CMIP: variants seen among roughly 807,000 people sequenced by gnomAD.
CMIP encodes c-Maf inducing protein, also known as C-Maf-inducing protein.
A neutral mutation model predicts 97.3 loss-of-function variants in CMIP; 13 were observed. The ratio of observed to expected loss-of-function variants is 0.13; its 90% CI spans 0.09 to 0.21. The LOEUF (loss-of-function observed/expected upper bound fraction) is 0.21, where lower values mean the gene tolerates loss of function less well. CMIP is among the 10% of genes least tolerant of loss of function. The probability of loss-of-function intolerance (pLI) is 1.00; values close to 1 mark genes in which losing one functional copy is unlikely to be tolerated. For missense variants in CMIP, 847 were observed against 1,024.9 expected, an observed-to-expected ratio of 0.83 and a Z score of 2.37; for synonymous variants, 538 against 436.3, an observed-to-expected ratio of 1.23 and a Z score of -2.91.
chr16:81,475,536 TAACTC>T (rs942308406), intron 1 of CMIP, among the ~76,000 whole-genome samples: 5 of 152,210 alleles, frequency 3.3e-5, no homozygotes, highest in Non-Finnish European at 7.3e-5. Context: ...ATCATAAACT[TAACTC>T]AACTCTGCAA....
chr16:81,527,895 C>A (rs556779969), intron 1 of CMIP, among the ~76,000 whole-genome samples: 4 of 151,164 alleles, frequency 2.6e-5, no homozygotes, highest in African/African-American at 9.9e-5. Context: ...AAGTCTCTTG[C>A]GTATGCCTTT....
chr16:81,554,822 C>T (rs778532543), intron 1 of CMIP, among the ~76,000 whole-genome samples: 6 of 152,188 alleles, frequency 3.9e-5, no homozygotes, highest in Non-Finnish European at 7.3e-5. Flanking sequence ...GAGTGCTTAG[C>T]ATCGTGTCTG....
intron 3 of CMIP, among the ~76,000 whole-genome samples, chr16:81,624,875 A>G (rs1046244624): frequency 1.3e-4 from 20 of 152,162 alleles, no homozygotes; most frequent in African/African-American, 4.3e-4. Context: ...TCTGGGTAAC[A>G]GTGTTGTTTT....
intron 19 of CMIP, 92 bp downstream of exon 19, chr16:81,705,696 C>A: frequency 3.9e-6 from 3 of 765,928 alleles, no homozygotes; most frequent in South Asian, 3.3e-5. Flanking sequence ...GACTTTGCAC[C>A]ATGCACAGAT....
chr16:81,642,518 A>G (rs1274197107), intron 3 of CMIP, among the ~76,000 whole-genome samples: 1 of 152,228 alleles, frequency 6.6e-6, no homozygotes, highest in Non-Finnish European at 1.5e-5. Flanking sequence ...GGCAAAATTT[A>G]AACTGATTCA....
chr16:81,475,348 T>G (rs761864884), intron 1 of CMIP, among the ~76,000 whole-genome samples: 65 of 152,338 alleles, frequency 4.3e-4, no homozygotes, highest in Non-Finnish European at 4.4e-4. Flanking sequence ...AAATAAACCA[T>G]TCCAGTTGCA....
chr16:81,580,842 C>T (rs376845925), intron 1 of CMIP, among the ~76,000 whole-genome samples: 15 of 152,230 alleles, frequency 9.9e-5, no homozygotes, highest in Admixed American at 4.6e-4. Flanking sequence ...TTAGCAAATT[C>T]GCGATGTTGT....
intron 1 of CMIP, among the ~76,000 whole-genome samples, chr16:81,590,755 C>T (rs531692108): frequency 1.3e-5 from 2 of 152,192 alleles, no homozygotes; most frequent in African/African-American, 4.8e-5. Flanking sequence ...CACCTACACA[C>T]CCACTGAAAC....
chr16:81,560,968 T>C (rs568672824), intron 1 of CMIP, among the ~76,000 whole-genome samples: 1 of 152,304 alleles, frequency 6.6e-6, no homozygotes, highest in Admixed American at 6.5e-5. Context: ...CATGACTTTT[T>C]TTTCTTTTTG....
At chr16:81,497,603 C>T (rs1054468936) in intron 1 of CMIP, among the ~76,000 whole-genome samples, 2 of 152,232 alleles carry the variant, frequency 1.3e-5, no homozygotes, top group Non-Finnish European at 2.9e-5. Flanking sequence ...GCCGGTGATG[C>T]CCAGGCCTCG....
intron 8 of CMIP, among the ~76,000 whole-genome samples, chr16:81,670,782 C>G (rs2092676405): frequency 6.6e-6 from 1 of 152,062 alleles, no homozygotes; most frequent in South Asian, 2.1e-4. Flanking sequence ...CTGCGGAAGT[C>G]TCGTGTCAGG....
rs554343630 is a variant in CMIP, at chr16:81,520,978, G to C, written c.300+75437G>C. On this transcript the variant is annotated intron_variant, in intron 1 of 20. Transcript: ENST00000537098. ...TCGCATCCTCTTTAAATTAGCGGTG[G>C]CATGTGTCAGAAAAAGGACCCCCCG... Among the ~76,000 whole-genome samples, 3 of 152,326 alleles carry C rather than the reference G, an allele frequency of 2.0e-5. No individual in the cohort carries two copies. In the South Asian group the frequency reaches 6.2e-4, roughly 32 times the overall value.
intron 15 of CMIP, 130 bp downstream of exon 15, chr16:81,699,931 G>A (rs555907185): frequency 1.6e-6 from 1 of 618,404 alleles, no homozygotes; most frequent in South Asian, 1.9e-5. Flanking sequence ...TGCAGTCCCA[G>A]CCGTCCTGAG....
chr16:81,578,708 A>G (rs1373633345), intron 1 of CMIP, among the ~76,000 whole-genome samples: 2 of 152,248 alleles, frequency 1.3e-5, no homozygotes, highest in Admixed American at 6.5e-5. Context: ...AGACATCACA[A>G]AAGACTGTGC....
chr16:81,662,147 C>T (rs1027376431), intron 6 of CMIP, among the ~76,000 whole-genome samples: 8 of 151,408 alleles, frequency 5.3e-5, no homozygotes, highest in African/African-American at 1.9e-4. Context: ...CGGCCAGCTG[C>T]TCCTCTGCCT....
chr16:81,542,517 C>T (rs1258073281), intron 1 of CMIP, among the ~76,000 whole-genome samples: 1 of 152,134 alleles, frequency 6.6e-6, no homozygotes, highest in Admixed American at 6.5e-5. Context: ...TTTTCTGGAC[C>T]TTCATCTGAG....
chr16:81,549,211 C>T (rs2090606849), intron 1 of CMIP, among the ~76,000 whole-genome samples: 1 of 152,240 alleles, frequency 6.6e-6, no homozygotes. Context: ...GCCGGTCAAC[C>T]TGCAGGAGCA....
At chr16:81,637,738 A>G (rs555530867) in intron 3 of CMIP, among the ~76,000 whole-genome samples, 1 of 152,204 alleles carries the variant, frequency 6.6e-6, no homozygotes, top group South Asian at 2.1e-4. Context: ...AGAGTGAGCA[A>G]AGAGTGATGA....
chr16:81,669,557 A>T (rs1567649002), intron 7 of CMIP, among the ~76,000 whole-genome samples: 4 of 106,202 alleles, frequency 3.8e-5, no homozygotes, highest in African/African-American at 7.9e-5. Context: ...CACCCACTTC[A>T]TACTTCCTTC....
Sources: allele counts gnomAD v4.1 joint callset (sites outside exome capture counted in the v4.1 genomes callset), GRCh38; gene constraint gnomAD v4.1.1; transcripts MANE v1.5; gene names NCBI Gene and HGNC (gene_info 2026-07-23, HGNC 2026-07-21).